The following PKHD1L1 variants were observed in gnomAD, a reference collection of about 807,000 sequenced individuals.
PKHD1L1 encodes the protein PKHD1 like 1, also known as fibrocystin-L.
A neutral mutation model predicts 462.9 loss-of-function variants in PKHD1L1; 434 were observed. The observed-to-expected ratio is 0.94, with a 90% confidence interval of 0.87 to 1.02. PKHD1L1 has a LOEUF of 1.02. Ranked by LOEUF, PKHD1L1 falls within the 50% of genes least tolerant of loss-of-function variation. PKHD1L1 has a pLI of 0.00. For synonymous variants in PKHD1L1, 1,781 were observed against 1,750.0 expected (o/e 1.02, Z -0.44); for missense variants, 5,202 against 5,096.1 (o/e 1.02, Z -0.63).
rs747449704 is a variant in PKHD1L1, at chr8:109,448,247, A to G, written c.5881A>G (p.Asn1961Asp). Residue 1961 changes from asparagine to aspartate, a missense_variant, in exon 39 of 78, where the codon AAT (asparagine) becomes GAT (aspartate). By Grantham distance (23) the Asn-to-Asp change is conservative (BLOSUM62 1). This residue lies in a region of PKHD1L1 where 4,497 missense variants were observed against 4,336.8 expected (regional missense o/e 1.04). Coordinates refer to ENST00000378402, the MANE Select transcript of PKHD1L1 (RefSeq NM_177531.6). ...NNIQCNVTMA[N>D]DSVVQCIVGD... The stretch of plus-strand genomic sequence containing the variant: ...CATTCAGTGTAATGTAACCATGGCC[A>G]ATGATAGTGTGGTGCAGTGCATCGT... The G allele has an allele frequency of 6.2e-7, 1 of 1,613,680 alleles. No homozygotes were observed. Among genetic ancestry groups the G allele is most frequent in the Admixed American group, 1.7e-5 (1 of 59,974 alleles).
intron 24 of PKHD1L1, 86 bp from the exon 25 acceptor site, chr8:109,426,916 G>T: frequency 1.3e-6 from 1 of 779,678 alleles, no homozygotes; most frequent in Admixed American, 2.0e-5. Flanking sequence ...GCCTCCCAAA[G>T]TGCTAAGATT....
At position 109,414,961 on chromosome 8, in the gene PKHD1L1, C is replaced by CATT. The variant is rs3058250; in HGVS notation, c.2360+1465_2360+1467dup. Among the ~76,000 whole-genome samples the CATT allele has an allele frequency of 1.6e-3, 229 of 140,654 alleles. 1 individual carries two copies. Among genetic ancestry groups the CATT allele is most frequent in the Middle Eastern group, 3.6e-3 (1 of 274 alleles). The allele number at this position is 140,654 out of a possible 152,430, so 92.3% of individuals were successfully genotyped here. A position where few individuals can be genotyped will look rare whatever the true frequency, so the allele number is the denominator to read the frequency against. On this transcript the variant is annotated intron_variant, in intron 21 of 77. Coordinates refer to ENST00000378402, the MANE Select transcript of PKHD1L1 (RefSeq NM_177531.6). ...TGTCCTGTTTTCTACATCATCCCAA[C>CATT]ATTATTATTATTATTATTATTATTA... is the stretch of plus-strand genomic sequence containing the variant.
At chr8:109,417,621 G>A (rs1814249557) in intron 21 of PKHD1L1, among the ~76,000 whole-genome samples, 2 of 152,104 alleles carry the variant, frequency 1.3e-5, no homozygotes, top group Admixed American at 6.5e-5. Flanking sequence ...TCAGCTCACT[G>A]CAACCTCCAC....
intron 14 of PKHD1L1, among the ~76,000 whole-genome samples, chr8:109,403,763 T>G (rs1160175910): frequency 6.6e-6 from 1 of 152,166 alleles, no homozygotes; most frequent in Non-Finnish European, 1.5e-5. Context: ...TTTCATGAAC[T>G]GTGGATACTT....
intron 16 of PKHD1L1, among the ~76,000 whole-genome samples, chr8:109,405,957 A>G (rs1044182376): frequency 4.6e-5 from 7 of 152,246 alleles, no homozygotes; most frequent in Non-Finnish European, 8.8e-5. Flanking sequence ...ACACCAATTT[A>G]TCAGCCAATA....
chr8:109,401,366 T>C (rs1003673735), intron 13 of PKHD1L1, 131 bp from the exon 14 acceptor site: 9 of 605,660 alleles, frequency 1.5e-5, no homozygotes, highest in Non-Finnish European at 2.3e-5. Context: ...AAAAGAAAAA[T>C]ATAAAGTAGT....
chr8:109,377,476 C>A (rs899156190), intron 2 of PKHD1L1, among the ~76,000 whole-genome samples: 1 of 152,042 alleles, frequency 6.6e-6, no homozygotes, highest in East Asian at 1.9e-4. Flanking sequence ...TTTGCTAGTG[C>A]AAAAGAAAAA....
intron 21 of PKHD1L1, among the ~76,000 whole-genome samples, chr8:109,414,396 T>G (rs1430412428): frequency 1.3e-5 from 2 of 152,182 alleles, no homozygotes; most frequent in Non-Finnish European, 2.9e-5. Context: ...CATAGAACAT[T>G]TTCTCTCTAC....
chr8:109,404,789 C>T (rs1813447233), intron 15 of PKHD1L1, 76 bp downstream of exon 15: 1 of 1,379,812 alleles, frequency 7.2e-7, no homozygotes. Context: ...ATTAATTTTA[C>T]TAGGTAAGAT....
intron 57 of PKHD1L1, 139 bp from the exon 58 acceptor site, chr8:109,484,905 A>G (rs935808967): frequency 2.1e-5 from 13 of 626,784 alleles, no homozygotes; most frequent in South Asian, 2.9e-5. Context: ...AGAGACTTCA[A>G]TGTACTGTTT....
At chr8:109,375,195 C>G (rs1044694976) in intron 2 of PKHD1L1, among the ~76,000 whole-genome samples, 5 of 152,174 alleles carry the variant, frequency 3.3e-5, no homozygotes, top group Non-Finnish European at 7.4e-5. Flanking sequence ...AGGCTTTGTT[C>G]ATTTCTTTTT....
At chr8:109,448,433 G>A in intron 39 of PKHD1L1, 42 bp downstream of exon 39, 1 of 1,531,360 alleles carries the variant, frequency 6.5e-7, no homozygotes, top group Non-Finnish European at 8.8e-7. Context: ...TTTTGTTTCA[G>A]TAAACACTTA....
Position 109,452,237 on chromosome 8 carries a change from C to T in PKHD1L1, c.6464C>T (p.Ala2155Val), listed in dbSNP as rs575788233. The change falls in exon 42 of 78, where the codon GCT becomes GTT. Residue 2155 changes from alanine (A) to valine (V), a missense_variant. Ala to Val is a moderately conservative substitution (Grantham distance 64). This residue lies in a region of PKHD1L1 where 4,497 missense variants were observed against 4,336.8 expected (regional missense o/e 1.04). Transcript: ENST00000378402. ...MTDAHTLSGW[A>V]PVCVHIRGVG... ...GATGCCCATACTCTATCAGGGTGGG[C>T]TCCAGTTTGTGTCCACATCAGAGGT... 8 of 1,611,344 alleles carry T rather than the reference C, an allele frequency of 5.0e-6. No homozygotes were observed. In the Admixed American group the frequency reaches 1.0e-4, roughly 20 times the overall value.
chr8:109,449,675 G>A (rs1445104994), intron 40 of PKHD1L1, among the ~76,000 whole-genome samples, 188 bp downstream of exon 40: 2 of 152,196 alleles, frequency 1.3e-5, no homozygotes, highest in African/African-American at 4.8e-5. Flanking sequence ...ATAAATTGCA[G>A]ATGGAATTGT....
At chr8:109,475,638 A>G (rs1817942885) in intron 51 of PKHD1L1, among the ~76,000 whole-genome samples, 1 of 151,834 alleles carries the variant, frequency 6.6e-6, no homozygotes, top group Non-Finnish European at 1.5e-5. Flanking sequence ...AGAGTTTGAG[A>G]CCAGTCTGGC....
At chr8:109,419,052 A>G (rs369594262) in intron 21 of PKHD1L1, 45 bp from the exon 22 acceptor site, 60 of 1,479,598 alleles carry the variant, frequency 4.1e-5, no homozygotes, top group Non-Finnish European at 3.7e-5. Flanking sequence ...ATTTGCTTAA[A>G]CATTACCACT....
chr8:109,468,485 TTG>T (rs1284073509), intron 50 of PKHD1L1, among the ~76,000 whole-genome samples: 1 of 152,188 alleles, frequency 6.6e-6, no homozygotes, highest in African/African-American at 2.4e-5. Flanking sequence ...TCACAGAACA[TTG>T]TAAATAGTAA....
intron 19 of PKHD1L1, 30 bp downstream of exon 19, chr8:109,410,008 G>T: frequency 8.6e-7 from 1 of 1,160,152 alleles, no homozygotes; most frequent in South Asian, 1.5e-5. Flanking sequence ...CTGTGAAACT[G>T]ACCTAATAAG....
At chr8:109,513,220 C>T (rs1245141538) in intron 71 of PKHD1L1, among the ~76,000 whole-genome samples, 2 of 151,938 alleles carry the variant, frequency 1.3e-5, no homozygotes, top group Non-Finnish European at 2.9e-5. Flanking sequence ...CTGGCCAGAA[C>T]TTCCAACACT....
Sources: gnomAD v4.1 joint callset for allele counts (sites outside exome capture counted in the v4.1 genomes callset) on GRCh38, gnomAD v4.1.1 for gene constraint, gnomAD v4.1.1 regional missense constraint, MANE v1.5 for transcripts, NCBI Gene and HGNC (gene_info 2026-07-23, HGNC 2026-07-21) for gene names.